The following FMO5 variants were observed in gnomAD, a reference collection of about 807,000 sequenced individuals.
FMO5 encodes flavin containing dimethylaniline monoxygenase 5, also known as flavin-containing monooxygenase 5.
FMO5 carries 51 observed loss-of-function variants against 43.6 expected under a neutral mutation model. The observed-to-expected ratio is 1.17, with a 90% CI of 0.93 to 1.48. FMO5 has a LOEUF of 1.48. Ranked by LOEUF, FMO5 falls within the 40% of genes most tolerant of loss-of-function variation. The probability of loss-of-function intolerance (pLI) is 0.00; values close to 1 mark genes in which losing one functional copy is unlikely to be tolerated. For synonymous variants in FMO5, 187 were observed against 216.5 expected, an observed-to-expected ratio of 0.86 and a Z score of 1.20; for missense variants, 644 against 643.0, an observed-to-expected ratio of 1.00 and a Z score of -0.02.
intron 6 of FMO5, chr1:147,204,547 A>G (rs759489380): frequency 5.1e-6 from 8 of 1,582,850 alleles, no homozygotes; most frequent in Non-Finnish European, 6.1e-6. Context: ...ATAACCTTCT[A>G]TGACCTCTGA....
chr1:147,190,499 T>A (rs1656507154), intron 7 of FMO5, among the ~76,000 whole-genome samples: 1 of 151,976 alleles, frequency 6.6e-6, no homozygotes, highest in Non-Finnish European at 1.5e-5. Context: ...AATACCTGCC[T>A]CCTCCCTAAT....
Position 147,186,937 on chromosome 1 carries a change from GC to G in FMO5, c.1564del (p.Ala522LeufsTer7). Reference protein sequence around the residue: ...STMTIGKFMLALAFFAIIIAY... With the variant: ...STMTIGKFMLXLAFFAIIIAY... ...TATAATTATAGCAAAGAAGGCAAGA[GC>G]TAGCATAAACTTGCCTATTGTCATT... On this transcript the variant is annotated frameshift_variant, in exon 9 of 9. Coordinates refer to ENST00000254090, the MANE Select transcript of FMO5 (RefSeq NM_001461.4). LOFTEE classifies it high-confidence loss of function. 6.2e-7 allele frequency: 1 copy of G among 1,614,080 alleles called. No individual in the cohort carries two copies. Among genetic ancestry groups the G allele is most frequent in the Non-Finnish European group, 8.5e-7 (1 of 1,179,986 alleles).
At chr1:147,213,174 TG>T in intron 4 of FMO5, 133 bp downstream of exon 4, 1 of 756,866 alleles carries the variant, frequency 1.3e-6, no homozygotes, top group Non-Finnish European at 1.9e-6. Context: ...AACATCCTTC[TG>T]GGGAACAAGA....
At chr1:147,208,793 A>T (rs898756929) in intron 6 of FMO5, 59 bp downstream of exon 6, 4 of 1,418,480 alleles carry the variant, frequency 2.8e-6, no homozygotes, top group Middle Eastern at 3.5e-4. Flanking sequence ...AGCCAGTGTG[A>T]AGAGTCCTTA....
At chr1:147,205,738 T>G (rs1181139181) in intron 6 of FMO5, among the ~76,000 whole-genome samples, 2 of 152,216 alleles carry the variant, frequency 1.3e-5, no homozygotes, top group African/African-American at 4.8e-5. Context: ...ACTTGATCCC[T>G]TCCTTACACC....
rs782618456 is a variant in FMO5, at chr1:147,215,895, G to T, written c.183C>A (p.Ile61=). ...GRASIYKSVI[I]NTSKEMMCFS... is the part of the protein sequence containing the mutation. ...AGCACATCATCTCTTTAGAAGTATTGATGATCACTGATTTGTAAATACTGG... is the reference window on the plus strand; with the variant it reads ...AGCACATCATCTCTTTAGAAGTATTTATGATCACTGATTTGTAAATACTGG... Residue 61 remains isoleucine, a synonymous_variant, in exon 3 of 9, where the codon ATC becomes ATA. Coordinates refer to ENST00000254090, the MANE Select transcript of FMO5 (RefSeq NM_001461.4). The T allele has an allele frequency of 6.2e-7, 1 of 1,612,964 alleles. No individual in the cohort carries two copies. The highest frequency in any genetic ancestry group is 8.5e-7 in the Non-Finnish European group (1 of 1,179,482).
chr1:147,219,959 C>T (rs1662720628), intron 2 of FMO5, among the ~76,000 whole-genome samples: 1 of 152,006 alleles, frequency 6.6e-6, no homozygotes, highest in South Asian at 2.1e-4. Flanking sequence ...CTGCCTCAGC[C>T]TCCGGAGTAA....
chr1:147,226,838 C>CT (rs35603968), upstream of FMO5, among the ~76,000 whole-genome samples: 1,386 of 148,496 alleles, frequency 9.3e-3, 21 homozygotes, highest in African/African-American at 0.027. Flanking sequence ...AACTGTCGAA[C>CT]TTTTTTTTTT....
Position 147,209,330 on chromosome 1 carries a change from C to G in FMO5, c.631-279G>C, listed in dbSNP as rs183669388. Among the ~76,000 whole-genome samples the G allele has an allele frequency of 3.2e-3, 471 of 149,330 alleles. 2 individuals are homozygous for G. The highest frequency in any genetic ancestry group is 0.011 in the African/African-American group (447 of 40,662). ...GCAGGTGCCTGTAGTCCCAGCTACT[C>G]GGGAGGCTGAGGCAGGAGAATGGCG... On this transcript the variant is annotated intron_variant, in intron 5 of 8. Transcript: ENST00000254090.
intron 2 of FMO5, among the ~76,000 whole-genome samples, chr1:147,217,353 G>C (rs782300286): frequency 5.3e-5 from 8 of 151,998 alleles, no homozygotes; most frequent in Non-Finnish European, 1.2e-4. Context: ...CTGTCACCGA[G>C]ATTTCACAAA....
At chr1:147,204,994 T>C in intron 6 of FMO5, 1 of 934,686 alleles carries the variant, frequency 1.1e-6, no homozygotes, top group South Asian at 1.3e-5. Context: ...ACCAAAGGTT[T>C]TCATGCCTGA....
At chr1:147,186,210 T>G, downstream of FMO5, 15 of 524,168 alleles carry the variant, frequency 2.9e-5, no homozygotes, top group Non-Finnish European at 3.7e-5. Flanking sequence ...TCAACCAAGT[T>G]GATCTCATTG....
chr1:147,207,180 G>A (rs1437005956), intron 6 of FMO5, among the ~76,000 whole-genome samples: 2 of 151,994 alleles, frequency 1.3e-5, no homozygotes, highest in East Asian at 1.9e-4. Flanking sequence ...ATACACTGAA[G>A]TATTTAAAGT....
At chr1:147,207,623 C>T (rs1660330414) in intron 6 of FMO5, among the ~76,000 whole-genome samples, 1 of 152,140 alleles carries the variant, frequency 6.6e-6, no homozygotes, top group South Asian at 2.1e-4. Context: ...CTCTACATCT[C>T]AGTTTTTATA....
chr1:147,196,379 T>A (rs587598044), intron 7 of FMO5, among the ~76,000 whole-genome samples: 2 of 152,132 alleles, frequency 1.3e-5, no homozygotes, highest in South Asian at 4.2e-4. Flanking sequence ...GTTTTGAGAG[T>A]CAATTTCCAA....
At chr1:147,197,809 C>T (rs1553920123) in intron 7 of FMO5, among the ~76,000 whole-genome samples, 1 of 152,146 alleles carries the variant, frequency 6.6e-6, no homozygotes, top group Non-Finnish European at 1.5e-5. Context: ...GCTCTGCATT[C>T]CAGAAAGATA....
intron 1 of FMO5, 88 bp from the exon 2 acceptor site, chr1:147,225,154 G>A: frequency 2.6e-6 from 4 of 1,544,956 alleles, no homozygotes; most frequent in Non-Finnish European, 3.5e-6. Context: ...AATAAATTCT[G>A]TACAAGAGGT....
intron 7 of FMO5, among the ~76,000 whole-genome samples, chr1:147,191,788 T>C (rs1251597650): frequency 6.6e-6 from 1 of 152,102 alleles, no homozygotes; most frequent in Non-Finnish European, 1.5e-5. Context: ...CATTTCTTGT[T>C]TTTGTCAGGT....
chr1:147,187,025 C>G lies in FMO5; in HGVS notation c.1477G>C (p.Asp493His), dbSNP rs143837136. The G allele has an allele frequency of 5.6e-5, 91 of 1,614,174 alleles. 1 individual carries two copies. In the South Asian group the frequency reaches 9.2e-4, roughly 16 times the overall value. ...GARKAILTTD[D>H]RIRKPLMTRV... ...GTCATCAGAGGCTTCCTGATGCGAT[C>G]ATCTGTGGTGAGGATAGCTTTTCGA... Residue 493 changes from aspartate to histidine, a missense_variant, in exon 9 of 9, where the codon GAT (aspartate) becomes CAT (histidine). Transcript: ENST00000254090.
Sources: allele counts gnomAD v4.1 joint callset (sites outside exome capture counted in the v4.1 genomes callset), GRCh38; gene constraint gnomAD v4.1.1; transcripts MANE v1.5; gene names NCBI Gene and HGNC (gene_info 2026-07-23, HGNC 2026-07-21).